TEX47: variants seen among roughly 807,000 people sequenced by gnomAD.
The protein encoded by TEX47 is testis expressed 47, also known as testis-expressed protein 47.
TEX47 carries 18 observed loss-of-function variants against 18.0 expected under a neutral mutation model. The observed-to-expected ratio is 1.00, with a 90% confidence interval of 0.69 to 1.48. The LOEUF (loss-of-function observed/expected upper bound fraction) is 1.48. Among genes scored for constraint, TEX47 ranks in the 40% most tolerant of loss-of-function variants. TEX47 has a pLI of 0.00. For synonymous variants in TEX47, 98 were observed against 109.4 expected (o/e 0.90, Z 0.65); for missense variants, 303 against 300.2 (o/e 1.01, Z -0.07).
At position 88,794,122 on chromosome 7, in the gene TEX47, T is replaced by G. The variant is rs1790429547; in HGVS notation, c.*59A>C. The G allele has an allele frequency of 1.4e-6, 2 of 1,401,068 alleles. No individual in the cohort carries two copies. Among genetic ancestry groups the G allele is most frequent in the Admixed American group, 5.0e-5 (2 of 40,194 alleles). The allele number at this position is 1,401,068 out of a possible 1,614,324, so 86.8% of individuals were successfully genotyped here. A position where few individuals can be genotyped will look rare whatever the true frequency, so the allele number is the denominator to read the frequency against. ...AGACACCAGTAACTTTAAAAATGTT[T>G]TTTTTATTTAAGTAGCACAAACTCC... On this transcript the variant is annotated 3_prime_UTR_variant, in exon 2 of 2. Transcript: ENST00000297203.
intron 1 of TEX47, among the ~76,000 whole-genome samples, chr7:88,795,345 A>C (rs1790462836): frequency 6.6e-6 from 1 of 150,484 alleles, no homozygotes; most frequent in Non-Finnish European, 1.5e-5. Context: ...TAACTGATCT[A>C]TAACTTTTAA....
In TEX47 at chr7:88,794,433, G is replaced by A. The variant is rs750972928; in HGVS notation, c.510C>T (p.Val170=). ...GAGTTTGTGTGAGAAAATCTGTGAT[G>A]ACCTCCTTTAGGGACTGTGACTGTG... is the stretch of plus-strand genomic sequence containing the variant. ...DVTQSQSLKE[V]ITDFLTQTHK... Residue 170 remains valine, a synonymous_variant, in exon 2 of 2, where the codon GTC becomes GTT. Coordinates refer to ENST00000297203, the MANE Select transcript of TEX47 (RefSeq NM_152706.4). 3.3e-5 allele frequency: 54 copies of A among 1,613,752 alleles called. No individual in the cohort carries two copies. Among genetic ancestry groups the A allele is most frequent in the Non-Finnish European group, 4.6e-5 (54 of 1,179,804 alleles).
rs759518320 is a variant in TEX47, at chr7:88,794,847, G to A, written c.96C>T (p.His32=). Reference sequence around the variant, plus strand: ...GTAGTCGTTGTTTCTCTTCTTGAAAGTGCAGGTAATTGCTACGTGGGACTT... The same window carrying A: ...GTAGTCGTTGTTTCTCTTCTTGAAAATGCAGGTAATTGCTACGTGGGACTT... ...FLQVPRSNYL[H]FQEEKQRLHL... Residue 32 remains histidine (H), a synonymous_variant, in exon 2 of 2, where the codon CAC becomes CAT. Transcript: ENST00000297203. The A allele has an allele frequency of 2.4e-5, 39 of 1,613,544 alleles. No homozygotes were observed. The highest frequency in any genetic ancestry group is 3.3e-5 in the Non-Finnish European group (39 of 1,179,758).
In TEX47 at chr7:88,794,562, T is replaced by C. The variant is rs780646965; in HGVS notation, c.381A>G (p.Gln127=). The C allele has an allele frequency of 2.7e-5, 43 of 1,613,494 alleles. No individual in the cohort carries two copies. In the East Asian group the frequency reaches 8.7e-4, roughly 33 times the overall value. ...HVKDETVFFI[Q]QMKIIVISHN... ...GAGAAATGACTATAATTTTCATTTG[T>C]TGAATAAAAAATACTGTTTCATCTT... The change falls in exon 2 of 2, where the codon CAA becomes CAG. Residue 127 remains glutamine (Q), a synonymous_variant. Coordinates refer to ENST00000297203, the MANE Select transcript of TEX47 (RefSeq NM_152706.4).
rs879645352 is a variant in TEX47 at position 88,794,843 on chromosome 7, GA to G, written c.99del (p.Gln34LysfsTer9). On this transcript the variant is annotated frameshift_variant, in exon 2 of 2. Coordinates refer to ENST00000297203, the MANE Select transcript of TEX47 (RefSeq NM_152706.4). LOFTEE classifies it high-confidence loss of function. ...LQVPRSNYLH[F>X]QEEKQRLHLK... is the part of the protein sequence containing the mutation. ...AGGTGTAGTCGTTGTTTCTCTTCTTGAAAGTGCAGGTAATTGCTACGTGGGA... is the reference window on the plus strand; with the variant it reads ...AGGTGTAGTCGTTGTTTCTCTTCTTGAAGTGCAGGTAATTGCTACGTGGGA... The G allele has an allele frequency of 5.0e-6, 8 of 1,613,536 alleles. No individual in the cohort carries two copies. Among genetic ancestry groups the G allele is most frequent in the Non-Finnish European group, 6.8e-6 (8 of 1,179,750 alleles).
intron 1 of TEX47, 91 bp downstream of exon 1, chr7:88,795,549 T>C (rs1790467204): frequency 6.6e-6 from 1 of 152,196 alleles, no homozygotes; most frequent in Non-Finnish European, 1.5e-5. Flanking sequence ...CTTGTTGTTT[T>C]TGTTGTTGTA....
chr7:88,795,353 TA>T (rs76094001), intron 1 of TEX47, among the ~76,000 whole-genome samples: 9,118 of 151,758 alleles, frequency 0.06, 523 homozygotes, highest in East Asian at 0.27. Flanking sequence ...CTATAACTTT[TA>T]AAAAAAAATC....
rs1429212664 is a variant in TEX47 at position 88,794,551 on chromosome 7, A to G, written c.392T>C (p.Ile131Thr). 6.2e-7 allele frequency: 1 copy of G among 1,613,500 alleles called. No homozygotes were observed. The highest frequency in any genetic ancestry group is 1.7e-5 in the Admixed American group (1 of 59,900). Residue 131 changes from isoleucine to threonine, a missense_variant, in exon 2 of 2, where the codon ATT (isoleucine) becomes ACT (threonine). Ile to Thr is a moderately conservative substitution (Grantham distance 89). Coordinates refer to ENST00000297203, the MANE Select transcript of TEX47 (RefSeq NM_152706.4). ...ETVFFIQQMK[I>T]IVISHNIPMR... ...TGGAATGTTATGAGAAATGACTATA[A>G]TTTTCATTTGTTGAATAAAAAATAC...
At chr7:88,795,339 T>A (rs191993136) in intron 1 of TEX47, among the ~76,000 whole-genome samples, 6 of 151,584 alleles carry the variant, frequency 4.0e-5, no homozygotes, top group Admixed American at 2.7e-4. Context: ...CAAATCTAAC[T>A]GATCTATAAC....
In TEX47 at chr7:88,794,423, A is replaced by T. The variant is rs755787489; in HGVS notation, c.520T>A (p.Phe174Ile). ...SQSLKEVITD[F>I]LTQTHKLSLY... is the part of the protein sequence containing the mutation. ...GACAGTTTATGAGTTTGTGTGAGAA[A>T]ATCTGTGATGACCTCCTTTAGGGAC... The change falls in exon 2 of 2, where the codon TTT becomes ATT. Residue 174 changes from phenylalanine (F) to isoleucine (I), a missense_variant. Physicochemically the swap from Phe to Ile is conservative, Grantham distance 21. Transcript: ENST00000297203. 4.3e-6 allele frequency: 7 copies of T among 1,613,664 alleles called. No homozygotes were observed. The East Asian group carries it at 1.3e-4, about 31-fold the overall frequency.
Position 88,794,133 on chromosome 7 carries a change from A to C in TEX47, c.*48T>G. The C allele has an allele frequency of 1.4e-6, 2 of 1,473,104 alleles. No homozygotes were observed. The highest frequency in any genetic ancestry group is 1.8e-6 in the Non-Finnish European group (2 of 1,098,528). 91.3% of individuals were successfully genotyped at this position (1,473,104 alleles called of 1,614,324 possible). On this transcript the variant is annotated 3_prime_UTR_variant, in exon 2 of 2. Transcript: ENST00000297203. Reference sequence around the variant, plus strand: ...ACTTTAAAAATGTTTTTTTTATTTAAGTAGCACAAACTCCTTAAGAGACAT... The same window carrying C: ...ACTTTAAAAATGTTTTTTTTATTTACGTAGCACAAACTCCTTAAGAGACAT...
chr7:88,794,429 T>C lies in TEX47; in HGVS notation c.514A>G (p.Thr172Ala). ...TQSQSLKEVITDFLTQTHKLS... is the reference protein window; with the variant it reads ...TQSQSLKEVIADFLTQTHKLS... ...TTATGAGTTTGTGTGAGAAAATCTG[T>C]GATGACCTCCTTTAGGGACTGTGAC... Residue 172 changes from threonine to alanine, a missense_variant, in exon 2 of 2, where the codon ACA becomes GCA. Physicochemically the swap from Thr to Ala is moderately conservative, Grantham distance 58. Coordinates refer to ENST00000297203, the MANE Select transcript of TEX47 (RefSeq NM_152706.4). 2 of 1,613,834 alleles carry C rather than the reference T, an allele frequency of 1.2e-6. No homozygotes were observed. Among genetic ancestry groups the C allele is most frequent in the South Asian group, 2.2e-5 (2 of 91,068 alleles).
In TEX47 at chr7:88,794,154, G is replaced by C; in HGVS notation, c.*27C>G. 2 of 1,561,510 alleles carry C rather than the reference G, an allele frequency of 1.3e-6. No individual in the cohort carries two copies. The highest frequency in any genetic ancestry group is 1.7e-6 in the Non-Finnish European group (2 of 1,153,524). On this transcript the variant is annotated 3_prime_UTR_variant, in exon 2 of 2. Coordinates refer to ENST00000297203, the MANE Select transcript of TEX47 (RefSeq NM_152706.4). The stretch of plus-strand genomic sequence containing the variant: ...TTTAAGTAGCACAAACTCCTTAAGA[G>C]ACATGGGCACATTATCCCTCTCAAT...
rs950264140 is a variant in TEX47 at position 88,795,688 on chromosome 7, C to T, written c.-153G>A. 3 of 152,058 alleles carry T rather than the reference C, an allele frequency of 2.0e-5. No homozygotes were observed. The highest frequency in any genetic ancestry group is 7.2e-5 in the African/African-American group (3 of 41,386). 9.4% of individuals were successfully genotyped at this position (152,058 alleles called of 1,614,324 possible). A position where few individuals can be genotyped will look rare whatever the true frequency, so the allele number is the denominator to read the frequency against. On this transcript the variant is annotated 5_prime_UTR_variant, in exon 1 of 2. Transcript: ENST00000297203. ...TTCTGTCACGCACCTGTCCTCGAGG[C>T]CCTACTTGTCCTCCATCAGGCTCCC...
Position 88,794,829 on chromosome 7 carries a change from T to C in TEX47, c.114A>G (p.Gln38=). Residue 38 remains glutamine, a synonymous_variant, in exon 2 of 2, where the codon CAA becomes CAG. Transcript: ENST00000297203. The stretch of plus-strand genomic sequence containing the variant: ...GAAGGAATTTCTTTAGGTGTAGTCG[T>C]TGTTTCTCTTCTTGAAAGTGCAGGT... ...SNYLHFQEEK[Q]RLHLKKFLLD... 1 of 1,613,770 alleles carries C rather than the reference T, an allele frequency of 6.2e-7. No homozygotes were observed. Among genetic ancestry groups the C allele is most frequent in the Middle Eastern group, 1.7e-4 (1 of 6,052 alleles).
Position 88,794,354 on chromosome 7 carries a change from C to T in TEX47, c.589G>A (p.Gly197Ser), listed in dbSNP as rs141537750. 138 of 1,613,848 alleles carry T rather than the reference C, an allele frequency of 8.6e-5. No homozygotes were observed. In the African/African-American group the frequency reaches 1.6e-3, roughly 19 times the overall value. The change falls in exon 2 of 2, where the codon GGC becomes AGC. Residue 197 changes from glycine (G) to serine (S), a missense_variant. By Grantham distance (56) the Gly-to-Ser change is moderately conservative (BLOSUM62 0). Transcript: ENST00000297203. ...QTMKVGTKGPGDNLHQVAPDL... is the reference protein window; with the variant it reads ...QTMKVGTKGPSDNLHQVAPDL... Reference sequence around the variant, plus strand: ...GGTGCAACTTGGTGTAAGTTATCGCCTGGTCCTTTAGTGCCTACTTTCATA... The same window carrying T: ...GGTGCAACTTGGTGTAAGTTATCGCTTGGTCCTTTAGTGCCTACTTTCATA...
chr7:88,794,268 G>A lies in TEX47; in HGVS notation c.675C>T (p.Asp225=), dbSNP rs368156278. Residue 225 remains aspartate (D), a synonymous_variant, in exon 2 of 2, where the codon GAC becomes GAT. Transcript: ENST00000297203. ...TATACATGTTTATAAATGTTGCCGG[G>A]TCCATGAATTCTTCGGATTTGCACA... is the stretch of plus-strand genomic sequence containing the variant. ...KYLCKSEEFM[D]PATFINMYNR... 3.1e-6 allele frequency: 5 copies of A among 1,613,760 alleles called. No individual in the cohort carries two copies. In the African/African-American group the frequency reaches 4.0e-5, roughly 13 times the overall value.
rs745333051 is a variant in TEX47 at position 88,794,519 on chromosome 7, G to A, written c.424C>T (p.Leu142Phe). ...ACTGAAACATGCCATTGCATAAAAA[G>A]CCTCATTGGAATGTTATGAGAAATG... The part of the protein sequence containing the change: ...IVISHNIPMR[L>F]FMQWHVSVIK... The change falls in exon 2 of 2, where the codon CTT (leucine) becomes TTT (phenylalanine). Residue 142 changes from leucine to phenylalanine, a missense_variant. Leu to Phe is a conservative substitution (Grantham distance 22). Transcript: ENST00000297203. 3 of 1,613,484 alleles carry A rather than the reference G, an allele frequency of 1.9e-6. No individual in the cohort carries two copies. Among genetic ancestry groups the A allele is most frequent in the African/African-American group, 1.3e-5 (1 of 74,894 alleles).
chr7:88,794,770 G>A lies in TEX47; in HGVS notation c.173C>T (p.Ala58Val), dbSNP rs1486660126. The change falls in exon 2 of 2, where the codon GCA becomes GTA. Residue 58 changes from alanine (A) to valine (V), a missense_variant. Ala to Val is a moderately conservative substitution (Grantham distance 64). Transcript: ENST00000297203. Reference sequence around the variant, plus strand: ...AGCAACATCTTTTCTTTCTACATTTGCTTGTATCTTGGCCACTAGAAACAT... The same window carrying A: ...AGCAACATCTTTTCTTTCTACATTTACTTGTATCTTGGCCACTAGAAACAT... ...DRMFLVAKIQ[A>V]NVERKDVADY... 1.2e-6 allele frequency: 2 copies of A among 1,613,382 alleles called. No individual in the cohort carries two copies. The highest frequency in any genetic ancestry group is 2.7e-5 in the African/African-American group (2 of 74,848).
Sources: allele counts gnomAD v4.1 joint callset (sites outside exome capture counted in the v4.1 genomes callset), GRCh38; gene constraint gnomAD v4.1.1; transcripts MANE v1.5; gene names NCBI Gene and HGNC (gene_info 2026-07-23, HGNC 2026-07-21).